Variants in PDGFRA observed in about 807,000 individuals in gnomAD.
The protein encoded by PDGFRA is platelet-derived growth factor receptor alpha.
In PDGFRA, 25 loss-of-function variants were observed where a neutral mutation model predicts 121.5. That is an observed-to-expected ratio of 0.21 (90% CI 0.15 to 0.29). The LOEUF is 0.29. Among genes scored for constraint, PDGFRA ranks in the 10% least tolerant of loss-of-function variants. PDGFRA has a pLI of 1.00. For missense variants in PDGFRA, 1,008 were observed against 1,345.1 expected, an observed-to-expected ratio of 0.75 and a Z score of 3.92; for synonymous variants, 463 against 494.8, an observed-to-expected ratio of 0.94 and a Z score of 0.85.
At position 54,297,310 on chromosome 4, in the gene PDGFRA, G is replaced by T. The variant is rs1407910299; in HGVS notation, c.*2038G>T. The T allele has an allele frequency of 4.3e-6, 1 of 233,592 alleles. No homozygotes were observed. The highest frequency in any genetic ancestry group is 2.2e-5 in the African/African-American group (1 of 45,334). The allele number at this position is 233,592 out of a possible 1,614,324, so 14.5% of individuals were successfully genotyped here. On this transcript the variant is annotated 3_prime_UTR_variant, in exon 23 of 23. Coordinates refer to ENST00000257290, the MANE Select transcript of PDGFRA (RefSeq NM_006206.6). ...TGGAAGATGCAGAAGCAATAATAAAGTACTTGACTACCTACTGGTGTAATC... is the reference window on the plus strand; with the variant it reads ...TGGAAGATGCAGAAGCAATAATAAATTACTTGACTACCTACTGGTGTAATC...
At chr4:54,289,225 T>C in intron 21 of PDGFRA, 111 bp downstream of exon 21, 2 of 729,796 alleles carry the variant, frequency 2.7e-6, no homozygotes, top group Non-Finnish European at 5.0e-6. Context: ...CAAAAGACTG[T>C]GTGATCCAGT....
rs2110279484 is a variant in PDGFRA at position 54,270,661 on chromosome 4, G to A, written c.1150G>A (p.Ala384Thr). Reference protein sequence around the residue: ...RYRSKLKLIRAKEEDSGHYTI... With the variant: ...RYRSKLKLIRTKEEDSGHYTI... ...TCGAAGCAAATTAAAGCTGATCCGT[G>A]CTAAGGAAGAAGACAGTGGCCATTA... Residue 384 changes from alanine (A) to threonine (T), a missense_variant, in exon 8 of 23, where the codon GCT becomes ACT. Ala to Thr is a moderately conservative substitution (Grantham distance 58). This residue lies in a region of PDGFRA where 575 missense variants were observed against 701.8 expected (regional missense o/e 0.82). Transcript: ENST00000257290. The A allele has an allele frequency of 6.2e-7, 1 of 1,611,538 alleles. No homozygotes were observed. The highest frequency in any genetic ancestry group is 1.1e-5 in the South Asian group (1 of 91,042).
Position 54,267,453 on chromosome 4 carries a change from T to C in PDGFRA, c.924T>C (p.Ser308=), listed in dbSNP as rs1220005025. The change falls in exon 6 of 23, where the codon TCT becomes TCC. Residue 308 remains serine, a synonymous_variant. Coordinates refer to ENST00000257290, the MANE Select transcript of PDGFRA (RefSeq NM_006206.6). ...AAGAAATGAAGAAAGTCACTATTTC[T>C]GTCCATGGTACATTCCGCTTTCTAA... ...EVKEMKKVTI[S]VHEKGFIEIK... 1.7e-5 allele frequency: 28 copies of C among 1,614,082 alleles called. No individual in the cohort carries two copies. The highest frequency in any genetic ancestry group is 2.4e-5 in the Non-Finnish European group (28 of 1,180,040).
chr4:54,255,453 C>T (rs1190581063), intron 1 of PDGFRA, among the ~76,000 whole-genome samples: 1 of 152,048 alleles, frequency 6.6e-6, no homozygotes. Flanking sequence ...CCAACCCAAA[C>T]CCAACTCAGG....
chr4:54,269,225 G>C (rs377117867), intron 7 of PDGFRA, among the ~76,000 whole-genome samples: 1 of 152,086 alleles, frequency 6.6e-6, no homozygotes, highest in African/African-American at 2.4e-5. Context: ...TGCTGTCTTC[G>C]TAGGTCTGAG....
chr4:54,249,246 A>G (rs934630935), intron 1 of PDGFRA, among the ~76,000 whole-genome samples: 21 of 152,192 alleles, frequency 1.4e-4, no homozygotes, highest in South Asian at 8.3e-4. Context: ...GGGATCTAGA[A>G]CTAGAAATAC....
chr4:54,278,617 C>A, intron 15 of PDGFRA, 102 bp downstream of exon 15: 2 of 1,141,938 alleles, frequency 1.8e-6, no homozygotes, highest in Non-Finnish European at 2.6e-6. Context: ...ATTCAGTGCC[C>A]AAGGTAGCAA....
At chr4:54,283,987 C>T (rs552270676) in intron 16 of PDGFRA, among the ~76,000 whole-genome samples, 1 of 152,300 alleles carries the variant, frequency 6.6e-6, no homozygotes, top group Admixed American at 6.5e-5. Context: ...GCAGCCAGGC[C>T]ATATCGTGAA....
intron 1 of PDGFRA, among the ~76,000 whole-genome samples, chr4:54,249,430 T>C (rs1721911393): frequency 6.6e-6 from 1 of 152,216 alleles, no homozygotes; most frequent in South Asian, 2.1e-4. Flanking sequence ...GTGGCACATA[T>C]ACACCATGGA....
intron 1 of PDGFRA, among the ~76,000 whole-genome samples, chr4:54,248,829 G>A (rs1307955865): frequency 6.6e-6 from 1 of 152,042 alleles, no homozygotes; most frequent in Non-Finnish European, 1.5e-5. Flanking sequence ...CTGACAAAGG[G>A]CTAATATCCA....
rs184481514 is a variant in PDGFRA at position 54,257,295 on chromosome 4, A to G, written c.-12-1462A>G. On this transcript the variant is annotated intron_variant, in intron 1 of 22. Coordinates refer to ENST00000257290, the MANE Select transcript of PDGFRA (RefSeq NM_006206.6). ...TTTCCTCCCTGTTTCTGGGAAAATC[A>G]TGAATAATGCACCCTTAGTTTAGCA... Among the ~76,000 whole-genome samples the G allele has an allele frequency of 2.5e-4, 38 of 152,390 alleles. No homozygotes were observed. In the East Asian group the frequency reaches 7.3e-3, roughly 29 times the overall value.
chr4:54,234,701 G>T (rs1274738954), intron 1 of PDGFRA, among the ~76,000 whole-genome samples: 2 of 152,094 alleles, frequency 1.3e-5, no homozygotes, highest in East Asian at 1.9e-4. Flanking sequence ...CTGTGAGGAG[G>T]GTAGTGGGGG....
At chr4:54,271,982 C>CTT (rs1723419225) in intron 8 of PDGFRA, among the ~76,000 whole-genome samples, 1 of 9,192 alleles carries the variant, frequency 1.1e-4, no homozygotes, top group Non-Finnish European at 2.4e-4. Flanking sequence ...CCTCCCCTCC[C>CTT]CCTCCCCTCC....
intron 22 of PDGFRA, among the ~76,000 whole-genome samples, chr4:54,293,149 C>G (rs528585654): frequency 4.9e-4 from 74 of 152,266 alleles, no homozygotes; most frequent in African/African-American, 1.8e-3. Context: ...TTTTTGCCCT[C>G]TTACATATTA....
At chr4:54,237,144 AT>A (rs1205205316) in intron 1 of PDGFRA, among the ~76,000 whole-genome samples, 1 of 151,902 alleles carries the variant, frequency 6.6e-6, no homozygotes. Context: ...AATTTTTTGT[AT>A]TTTTAGTAGA....
At chr4:54,237,944 A>G (rs1721103269) in intron 1 of PDGFRA, among the ~76,000 whole-genome samples, 1 of 152,174 alleles carries the variant, frequency 6.6e-6, no homozygotes, top group Non-Finnish European at 1.5e-5. Flanking sequence ...CTTGTGTTCA[A>G]ATCCTGGCTC....
At chr4:54,277,026 A>C (rs568437328) in intron 12 of PDGFRA, 6 of 303,624 alleles carry the variant, frequency 2.0e-5, no homozygotes, top group African/African-American at 1.1e-4. Flanking sequence ...TTGCATATGG[A>C]AAACAGAAGG....
intron 22 of PDGFRA, among the ~76,000 whole-genome samples, chr4:54,293,323 C>T (rs1037751965): frequency 2.0e-5 from 3 of 151,900 alleles, no homozygotes; most frequent in African/African-American, 7.2e-5. Flanking sequence ...CTTTGGCAAA[C>T]ATGCTTCATA....
intron 2 of PDGFRA, among the ~76,000 whole-genome samples, chr4:54,260,350 G>A (rs1484665839): frequency 3.5e-5 from 5 of 142,572 alleles, no homozygotes; most frequent in Non-Finnish European, 6.1e-5. Context: ...GATGTGCTTT[G>A]TGTTTTCTTC....
Sources: allele counts gnomAD v4.1 joint callset (sites outside exome capture counted in the v4.1 genomes callset), GRCh38; gene constraint gnomAD v4.1.1; regional missense constraint gnomAD v4.1.1; transcripts MANE v1.5; gene names NCBI Gene and HGNC (gene_info 2026-07-23, HGNC 2026-07-21).